The following PKD1L3 variants were observed in gnomAD, a reference collection of about 807,000 sequenced individuals.
PKD1L3 encodes polycystin 1 like 3, transient receptor potential channel interacting, also known as polycystin-1-like protein 3.
In PKD1L3, 239 loss-of-function variants were observed where a neutral mutation model predicts 184.1. That is an observed-to-expected ratio of 1.30 (90% CI 1.17 to 1.45). The LOEUF (loss-of-function observed/expected upper bound fraction) is 1.45, where lower values mean the gene tolerates loss of function less well. Ranked by LOEUF, PKD1L3 falls within the 40% of genes most tolerant of loss-of-function variation. PKD1L3 has a pLI of 0.00. For synonymous variants in PKD1L3, 996 were observed against 778.8 expected (o/e 1.28, Z -4.64); for missense variants, 2,660 against 2,067.2 (o/e 1.29, Z -5.56).
At chr16:71,977,889 C>T (rs2039992466) in intron 10 of PKD1L3, among the ~76,000 whole-genome samples, 2 of 152,166 alleles carry the variant, frequency 1.3e-5, no homozygotes, top group Admixed American at 1.3e-4. Flanking sequence ...ATTCTCCTGC[C>T]TCAGCCTCCA....
chr16:71,960,020 C>G (rs902787054), intron 16 of PKD1L3, among the ~76,000 whole-genome samples: 7 of 151,984 alleles, frequency 4.6e-5, no homozygotes, highest in Non-Finnish European at 8.8e-5. Flanking sequence ...ACTCAGGAAG[C>G]TGAGGTGGGA....
At chr16:71,993,364 T>C (rs1476856648) in intron 2 of PKD1L3, 32 bp from the exon 3 acceptor site, 8 of 1,372,582 alleles carry the variant, frequency 5.8e-6, no homozygotes, top group East Asian at 2.5e-5. Flanking sequence ...AGTTAATTTA[T>C]AGGTTATAGC....
chr16:71,953,840 G>A (rs1302549181), intron 17 of PKD1L3, among the ~76,000 whole-genome samples: 1 of 152,212 alleles, frequency 6.6e-6, no homozygotes. Context: ...TTTGGGTGGG[G>A]ACACAGAGCC....
intron 9 of PKD1L3, 96 bp from the exon 10 acceptor site, chr16:71,978,479 G>A (rs4788451): frequency 1.2e-4 from 11 of 91,498 alleles, no homozygotes; most frequent in African/African-American, 8.3e-4. Flanking sequence ...GTATATATGT[G>A]TGTGTGTGTG....
In PKD1L3 at chr16:71,937,165, C is replaced by T; in HGVS notation, c.4452+127G>A. 4 of 942,280 alleles carry T rather than the reference C, an allele frequency of 4.2e-6. No homozygotes were observed. In the South Asian group the frequency reaches 5.2e-5, roughly 12 times the overall value. The allele number at this position is 942,280 out of a possible 1,614,324, so 58.4% of individuals were successfully genotyped here. Reference sequence around the variant, plus strand: ...CTGCCTCCCAGGCTCAAGCAATTCTCACATCTCAGCCTCCCGAGTAGCTGG... The same window carrying T: ...CTGCCTCCCAGGCTCAAGCAATTCTTACATCTCAGCCTCCCGAGTAGCTGG... On this transcript the variant is annotated intron_variant, in intron 25 of 29. Coordinates refer to ENST00000620267, the MANE Select transcript of PKD1L3 (RefSeq NM_181536.2).
intron 24 of PKD1L3, 119 bp downstream of exon 24, chr16:71,942,441 T>A (rs953177534): frequency 8.6e-6 from 7 of 815,480 alleles, no homozygotes; most frequent in African/African-American, 5.2e-5. Flanking sequence ...TCCAACAAAT[T>A]TACCTCTCTT....
chr16:71,967,301 G>A lies in PKD1L3; in HGVS notation c.2301C>T (p.Leu767=). ...AATTAKVVIT[L]YGSEGRSEPH... ...GCTCACTCCGTCCCTCTGATCCATA[G>A]AGGGTGATGACAACCTACAATGAGA... Residue 767 remains leucine (L), a synonymous_variant, in exon 15 of 30, where the codon CTC becomes CTT. Transcript: ENST00000620267. 6.4e-7 allele frequency: 1 copy of A among 1,550,898 alleles called. No homozygotes were observed. The highest frequency in any genetic ancestry group is 8.7e-7 in the Non-Finnish European group (1 of 1,146,664).
intron 22 of PKD1L3, among the ~76,000 whole-genome samples, chr16:71,946,186 G>T (rs1026912533): frequency 9.2e-5 from 14 of 152,242 alleles, no homozygotes; most frequent in African/African-American, 2.6e-4. Context: ...ACAAATGGAA[G>T]GCAGTTTAAA....
At chr16:71,960,603 G>A (rs540791628) in intron 16 of PKD1L3, among the ~76,000 whole-genome samples, 10 of 151,410 alleles carry the variant, frequency 6.6e-5, no homozygotes, top group Admixed American at 4.6e-4. Flanking sequence ...ACATCCAATA[G>A]ACATATAAAA....
intron 1 of PKD1L3, among the ~76,000 whole-genome samples, chr16:71,998,920 A>G (rs1162225480): frequency 2.6e-5 from 4 of 152,186 alleles, no homozygotes; most frequent in African/African-American, 4.8e-5. Context: ...TGAGAATGAT[A>G]TAATAATGGC....
Position 71,950,123 on chromosome 16 carries a change from T to C in PKD1L3, c.3378A>G (p.Pro1126=), listed in dbSNP as rs1455731386. Residue 1126 remains proline (P), a synonymous_variant, in exon 20 of 30, where the codon CCA becomes CCG. Transcript: ENST00000620267. ...GGCTTGGTGTGGTGCATTACCTGGA[T>C]GGCTCTTGCTCCGTGGGAAGAATAT... ...ETHILPTEQE[P]SREVTSFAIL... 1.3e-6 allele frequency: 2 copies of C among 1,551,564 alleles called. No homozygotes were observed. The highest frequency in any genetic ancestry group is 4.9e-5 in the East Asian group (2 of 40,926).
chr16:71,993,686 C>G (rs568999878), intron 2 of PKD1L3, among the ~76,000 whole-genome samples: 1 of 152,190 alleles, frequency 6.6e-6, no homozygotes, highest in Non-Finnish European at 1.5e-5. Context: ...CAACCTCCAG[C>G]ATAAATGGAA....
chr16:71,942,846 A>G lies in PKD1L3; in HGVS notation c.4038T>C (p.Asp1346=). Residue 1346 remains aspartate, a synonymous_variant, in exon 24 of 30, where the codon GAT becomes GAC. Transcript: ENST00000620267. Reference sequence around the variant, plus strand: ...CCAGGACTGCATTCTTACCTCTGTAATCCCCATACAGGCTAGGAAGAAGGA... The same window carrying G: ...CCAGGACTGCATTCTTACCTCTGTAGTCCCCATACAGGCTAGGAAGAAGGA... ...NHILLPSLYG[D]YRGKNAVLEP... 1 of 1,551,644 alleles carries G rather than the reference A, an allele frequency of 6.4e-7. No individual in the cohort carries two copies. The highest frequency in any genetic ancestry group is 8.7e-7 in the Non-Finnish European group (1 of 1,146,988).
At chr16:71,997,353 G>A (rs987951955) in intron 2 of PKD1L3, among the ~76,000 whole-genome samples, 39 of 151,420 alleles carry the variant, frequency 2.6e-4, no homozygotes, top group Admixed American at 2.1e-3. Flanking sequence ...TTGAGAGGCC[G>A]AGGTGGGAGG....
intron 16 of PKD1L3, among the ~76,000 whole-genome samples, chr16:71,954,744 G>A (rs971791714): frequency 1.4e-4 from 21 of 152,068 alleles, no homozygotes; most frequent in African/African-American, 4.3e-4. Flanking sequence ...GACTTTGCTG[G>A]GCTTAAACAC....
Position 71,963,373 on chromosome 16 carries a change from C to A in PKD1L3, c.2466-22G>T, listed in dbSNP as rs1027318185. The A allele has an allele frequency of 2.6e-6, 4 of 1,529,214 alleles. No homozygotes were observed. The Admixed American group carries it at 6.2e-5, about 24-fold the overall frequency. The allele number at this position is 1,529,214 out of a possible 1,614,324, so 94.7% of individuals were successfully genotyped here. Reference sequence around the variant, plus strand: ...ATACCTATAGTAAAATGAAGATAACCACATTAGGGAGATGGGCTTGAATCA... The same window carrying A: ...ATACCTATAGTAAAATGAAGATAACAACATTAGGGAGATGGGCTTGAATCA... On this transcript the variant is annotated intron_variant, in intron 15 of 29. Coordinates refer to ENST00000620267, the MANE Select transcript of PKD1L3 (RefSeq NM_181536.2).
chr16:71,984,011 T>A, intron 6 of PKD1L3, 25 bp downstream of exon 6: 1 of 1,550,760 alleles, frequency 6.4e-7, no homozygotes, highest in Non-Finnish European at 8.7e-7. Context: ...CCTACCTTCT[T>A]CCCTCCCAGT....
Position 71,986,426 on chromosome 16 carries a change from A to G in PKD1L3, c.629T>C (p.Leu210Pro), listed in dbSNP as rs2143801302. The G allele has an allele frequency of 6.4e-7, 1 of 1,551,966 alleles. No homozygotes were observed. Among genetic ancestry groups the G allele is most frequent in the African/African-American group, 1.4e-5 (1 of 73,170 alleles). Residue 210 changes from leucine to proline, a missense_variant, in exon 5 of 30, where the codon CTA becomes CCA. Leu to Pro is a moderately conservative substitution (Grantham distance 98). Transcript: ENST00000620267. The part of the protein sequence containing the change: ...CHPISQFPSV[L>P]SSITSQVTSA... ...TGTTACCTGTGATGTGATACTTGAT[A>G]GTACTGAAGGAAACTGGCTGATGGG...
intron 10 of PKD1L3, 93 bp from the exon 11 acceptor site, chr16:71,977,560 C>CTTCCTATT: frequency 1.3e-5 from 7 of 543,644 alleles, no homozygotes; most frequent in East Asian, 4.0e-5. Context: ...CGTCCTAGCT[C>CTTCCTATT]TTTTTTTTTT....
Sources: gnomAD v4.1 joint callset for allele counts (sites outside exome capture counted in the v4.1 genomes callset) on GRCh38, gnomAD v4.1.1 for gene constraint, MANE v1.5 for transcripts, NCBI Gene and HGNC (gene_info 2026-07-23, HGNC 2026-07-21) for gene names.